Variants in SDK1 observed in about 807,000 individuals in gnomAD.
SDK1 encodes the protein sidekick cell adhesion molecule 1.
In SDK1, 157 loss-of-function variants were observed where a neutral mutation model predicts 245.5. That is an observed-to-expected ratio of 0.64 (90% CI 0.56 to 0.73). The LOEUF (loss-of-function observed/expected upper bound fraction) is 0.73, where lower values mean the gene tolerates loss of function less well. Ranked by LOEUF, SDK1 falls within the 30% of genes least tolerant of loss-of-function variation. SDK1 has a pLI of 0.00. For synonymous variants in SDK1, 1,647 were observed against 1,278.5 expected (o/e 1.29, Z -6.15); for missense variants, 3,583 against 3,002.3 (o/e 1.19, Z -4.52).
At chr7:3,475,454 A>T (rs1236007532) in intron 1 of SDK1, among the ~76,000 whole-genome samples, 1 of 152,186 alleles carries the variant, frequency 6.6e-6, no homozygotes, top group African/African-American at 2.4e-5. Context: ...CGTCTCTCTC[A>T]CTTGGTGCTG....
At chr7:4,112,226 T>C (rs1783395552) in intron 23 of SDK1, among the ~76,000 whole-genome samples, 1 of 152,074 alleles carries the variant, frequency 6.6e-6, no homozygotes, top group African/African-American at 2.4e-5. Context: ...GCAGGAAGAC[T>C]CCAAGCAGGG....
rs409171 is a variant in SDK1, at chr7:3,913,363, G to A, written c.848-37560G>A. ...GGCTGGAGTGCAGTGGCACGATCTC[G>A]GCTCACTGCAACCTCCGCCTCCCAG... On this transcript the variant is annotated intron_variant, in intron 5 of 44. Transcript: ENST00000404826. 7.8e-3 allele frequency among the ~76,000 whole-genome samples: 1,169 copies of A among 149,184 alleles called. 25 individuals carry two copies. The highest frequency in any genetic ancestry group is 0.027 in the African/African-American group (1,099 of 40,466).
At chr7:3,673,661 C>T (rs901471975) in intron 4 of SDK1, among the ~76,000 whole-genome samples, 2 of 152,126 alleles carry the variant, frequency 1.3e-5, no homozygotes, top group East Asian at 1.9e-4. Context: ...TAGGTAGTTT[C>T]GTCTTGCTCT....
chr7:3,831,764 A>G (rs1337803561), intron 5 of SDK1, among the ~76,000 whole-genome samples: 1 of 152,138 alleles, frequency 6.6e-6, no homozygotes, highest in Non-Finnish European at 1.5e-5. Flanking sequence ...ATTAAAAAAA[A>G]AATTAATCAC....
intron 1 of SDK1, among the ~76,000 whole-genome samples, chr7:3,399,776 G>T (rs1778833569): frequency 6.6e-6 from 1 of 152,058 alleles, no homozygotes. Flanking sequence ...GTTGTGTATG[G>T]CTCTTTCCTC....
At chr7:4,024,359 A>G (rs946846149) in intron 17 of SDK1, among the ~76,000 whole-genome samples, 1 of 146,646 alleles carries the variant, frequency 6.8e-6, no homozygotes, top group African/African-American at 2.6e-5. Flanking sequence ...ACATTGCACA[A>G]AAGATTTGTT....
At chr7:4,007,432 C>T (rs912300195) in intron 14 of SDK1, among the ~76,000 whole-genome samples, 13 of 152,158 alleles carry the variant, frequency 8.5e-5, no homozygotes, top group Non-Finnish European at 1.5e-4. Flanking sequence ...CAGGAAGCCT[C>T]GGGGCAGGAG....
intron 1 of SDK1, among the ~76,000 whole-genome samples, chr7:3,469,309 T>C (rs1781111337): frequency 1.3e-5 from 2 of 152,142 alleles, no homozygotes; most frequent in South Asian, 4.2e-4. Flanking sequence ...CACACACTTG[T>C]CGTCCCAGAT....
At chr7:3,412,184 A>G (rs1779229340) in intron 1 of SDK1, among the ~76,000 whole-genome samples, 1 of 152,182 alleles carries the variant, frequency 6.6e-6, no homozygotes, top group Non-Finnish European at 1.5e-5. Context: ...ATATGGCTCA[A>G]AATTTGAAGA....
intron 5 of SDK1, among the ~76,000 whole-genome samples, chr7:3,906,542 TCAATG>T (rs1186474723): frequency 6.6e-6 from 1 of 151,688 alleles, no homozygotes; most frequent in Non-Finnish European, 1.5e-5. Context: ...CCTGCTGGTT[TCAATG>T]GTTTAGAGCT....
chr7:3,342,793 G>C (rs1478163570), intron 1 of SDK1, among the ~76,000 whole-genome samples: 1 of 152,082 alleles, frequency 6.6e-6, no homozygotes, highest in African/African-American at 2.4e-5. Flanking sequence ...TCTGCCAAGA[G>C]ACTAATACCT....
chr7:3,643,541 A>T (rs1782721502), intron 4 of SDK1: 1 of 121,324 alleles, frequency 8.2e-6, no homozygotes, highest in African/African-American at 3.3e-5. Context: ...TCTTGTCTCC[A>T]CCCCCACCTG....
chr7:3,763,286 A>C (rs775741791), intron 4 of SDK1, among the ~76,000 whole-genome samples: 1 of 152,212 alleles, frequency 6.6e-6, no homozygotes, highest in African/African-American at 2.4e-5. Flanking sequence ...CATAACTTAC[A>C]TGTAGCAAAA....
chr7:3,521,513 T>TA (rs1782939759), intron 1 of SDK1, among the ~76,000 whole-genome samples: 1 of 152,198 alleles, frequency 6.6e-6, no homozygotes, highest in Non-Finnish European at 1.5e-5. Context: ...CACGAGTTGG[T>TA]AAAAAACTAA....
intron 1 of SDK1, among the ~76,000 whole-genome samples, chr7:3,366,599 A>G (rs142144204): frequency 2.1e-3 from 313 of 152,230 alleles, no homozygotes; most frequent in Non-Finnish European, 2.7e-3. Context: ...GAGAAGTGCT[A>G]TTTCAGTGTA....
rs190546890 is a variant in SDK1, at chr7:4,165,664, A to G, written c.4800+3808A>G. On this transcript the variant is annotated intron_variant, in intron 32 of 44. Transcript: ENST00000404826. ...ACCACCATACCTGGCTAATTTTTGTATTTTCAGTAGAGACAGGATTTCATC... is the reference window on the plus strand; with the variant it reads ...ACCACCATACCTGGCTAATTTTTGTGTTTTCAGTAGAGACAGGATTTCATC... 4.9e-3 allele frequency among the ~76,000 whole-genome samples: 738 copies of G among 151,968 alleles called. 4 individuals carry two copies. The highest frequency in any genetic ancestry group is 6.7e-3 in the Admixed American group (103 of 15,278).
At chr7:3,392,015 A>G (rs1306279173) in intron 1 of SDK1, among the ~76,000 whole-genome samples, 1 of 151,430 alleles carries the variant, frequency 6.6e-6, no homozygotes, top group Non-Finnish European at 1.5e-5. Context: ...TAAATGCAAC[A>G]AAGACCATAC....
chr7:3,555,074 A>G (rs1779546264), intron 1 of SDK1, among the ~76,000 whole-genome samples: 1 of 152,352 alleles, frequency 6.6e-6, no homozygotes, highest in East Asian at 1.9e-4. Context: ...CAGAAATAGA[A>G]AAACAATCCT....
intron 32 of SDK1, among the ~76,000 whole-genome samples, chr7:4,169,443 G>T (rs1333492902): frequency 6.6e-6 from 1 of 152,170 alleles, no homozygotes; most frequent in African/African-American, 2.4e-5. Context: ...TGCCCGCCTT[G>T]CAGAGGGCCA....
Sources: gnomAD v4.1 joint callset for allele counts (sites outside exome capture counted in the v4.1 genomes callset) on GRCh38, gnomAD v4.1.1 for gene constraint, MANE v1.5 for transcripts, NCBI Gene and HGNC (gene_info 2026-07-23, HGNC 2026-07-21) for gene names.